COL5A2: variants seen among roughly 807,000 people sequenced by gnomAD.
COL5A2 encodes the protein collagen alpha-2(V) chain.
COL5A2 carries 23 observed loss-of-function variants against 208.2 expected under a neutral mutation model. That is an observed-to-expected ratio of 0.11 (90% CI 0.08 to 0.16). The LOEUF is 0.16. Among genes scored for constraint, COL5A2 ranks in the 10% least tolerant of loss-of-function variants. The pLI is 1.00. For synonymous variants in COL5A2, 625 were observed against 628.5 expected (o/e 0.99, Z 0.08); for missense variants, 1,590 against 1,956.4 (o/e 0.81, Z 3.53).
chr2:189,219,329 TC>T (rs1264263177), intron 1 of COL5A2, among the ~76,000 whole-genome samples: 2 of 152,206 alleles, frequency 1.3e-5, no homozygotes, highest in Non-Finnish European at 2.9e-5. Flanking sequence ...AACACTCCAG[TC>T]AAAAAACTCT....
chr2:189,234,865 C>A, the COL5A2 span, among the ~76,000 whole-genome samples: 3 of 151,508 alleles, frequency 2.0e-5, no homozygotes, highest in African/African-American at 7.3e-5. Context: ...GTGTAAACCA[C>A]ATTTATAGTT....
At chr2:189,432,214 C>A in the COL5A2 span, among the ~76,000 whole-genome samples, 2 of 151,840 alleles carry the variant, frequency 1.3e-5, no homozygotes, top group Non-Finnish European at 2.9e-5. Context: ...CCAGTACCAG[C>A]CACTGCAAAA....
At chr2:189,420,079 AGG>A in the COL5A2 span, among the ~76,000 whole-genome samples, 1 of 112,204 alleles carries the variant, frequency 8.9e-6, no homozygotes, top group African/African-American at 3.2e-5. Context: ...GGAGGGAGGG[AGG>A]GAGAAGGAAG....
the COL5A2 span, among the ~76,000 whole-genome samples, chr2:189,341,290 G>A: frequency 5.8e-4 from 88 of 152,158 alleles, 4 homozygotes; most frequent in South Asian, 0.018. Flanking sequence ...CTGTCATTTG[G>A]TGTCTAGTAG....
At chr2:189,358,276 A>G in the COL5A2 span, among the ~76,000 whole-genome samples, 1 of 152,306 alleles carries the variant, frequency 6.6e-6, no homozygotes, top group East Asian at 1.9e-4. Context: ...CTCATTTACA[A>G]TGCTCCTAGT....
At chr2:189,425,795 G>C in the COL5A2 span, among the ~76,000 whole-genome samples, 2 of 152,092 alleles carry the variant, frequency 1.3e-5, no homozygotes, top group African/African-American at 4.8e-5. Context: ...TTGTTTAAAA[G>C]TGTGTAGCAC....
chr2:189,057,340 G>T lies in COL5A2; in HGVS notation c.2317C>A (p.Pro773Thr). Reference protein sequence around the residue: ...MPGERGIAGTPGPKGDRGGIG... With the variant: ...MPGERGIAGTTGPKGDRGGIG... ...CTTACTCTGTCACCCTTGGGGCCAG[G>T]AGTTCCTGCAATTCCTCTTTCTCCC... Residue 773 changes from proline to threonine, a missense_variant, in exon 34 of 54, where the codon CCT becomes ACT. Coordinates refer to ENST00000374866, the MANE Select transcript of COL5A2 (RefSeq NM_000393.5). 1 of 1,605,704 alleles carries T rather than the reference G, an allele frequency of 6.2e-7. No homozygotes were observed. Among genetic ancestry groups the T allele is most frequent in the Non-Finnish European group, 8.5e-7 (1 of 1,174,030 alleles).
the COL5A2 span, among the ~76,000 whole-genome samples, chr2:189,316,453 A>T: frequency 6.6e-6 from 1 of 152,110 alleles, no homozygotes; most frequent in Admixed American, 6.6e-5. Context: ...GCAAACCACC[A>T]TGGCACATGT....
chr2:189,228,805 G>A (rs768508484), upstream of COL5A2, among the ~76,000 whole-genome samples: 14 of 151,716 alleles, frequency 9.2e-5, no homozygotes, highest in Non-Finnish European at 1.8e-4. Context: ...TTTGAAACCC[G>A]TTTTATGAAG....
chr2:189,043,806 C>G (rs566861002), intron 47 of COL5A2, among the ~76,000 whole-genome samples: 12 of 152,316 alleles, frequency 7.9e-5, no homozygotes, highest in African/African-American at 2.6e-4. Context: ...AAGCCACTTT[C>G]CTCTAAAGAA....
chr2:189,142,915 G>GA (rs1687961396), intron 1 of COL5A2, among the ~76,000 whole-genome samples: 1 of 151,772 alleles, frequency 6.6e-6, no homozygotes, highest in Admixed American at 6.6e-5. Flanking sequence ...ACTATTCTCT[G>GA]GGCTATTCAT....
the COL5A2 span, among the ~76,000 whole-genome samples, chr2:189,280,393 C>G: frequency 6.6e-6 from 1 of 152,142 alleles, no homozygotes; most frequent in Non-Finnish European, 1.5e-5. Flanking sequence ...CAAGCTCACT[C>G]TTGTAGGTAT....
chr2:189,125,133 G>A (rs191783829), intron 1 of COL5A2, among the ~76,000 whole-genome samples: 1 of 152,112 alleles, frequency 6.6e-6, no homozygotes, highest in African/African-American at 2.4e-5. Context: ...TTCATGACTG[G>A]ACCATATTAT....
At chr2:189,231,893 G>C in the COL5A2 span, among the ~76,000 whole-genome samples, 1 of 151,644 alleles carries the variant, frequency 6.6e-6, no homozygotes, top group South Asian at 2.1e-4. Context: ...GATCTTCCTG[G>C]GAAAGCTGAG....
chr2:189,409,248 T>C, the COL5A2 span, among the ~76,000 whole-genome samples: 365 of 147,982 alleles, frequency 2.5e-3, 3 homozygotes, highest in African/African-American at 7.5e-3. Context: ...TCTGGATCTG[T>C]TACCCAGAGA....
chr2:189,202,601 G>T (rs1689092301), intron 1 of COL5A2, among the ~76,000 whole-genome samples: 2 of 152,156 alleles, frequency 1.3e-5, no homozygotes, highest in South Asian at 4.1e-4. Flanking sequence ...GCAAAAGAAA[G>T]AATGATAATA....
In COL5A2 at chr2:189,065,042, G is replaced by A. The variant is rs863223490; in HGVS notation, c.1579C>T (p.Arg527Cys). ...PVGERGAPGNRGFPGSDGLPG... is the reference protein window; with the variant it reads ...PVGERGAPGNCGFPGSDGLPG... ...AAACCATCAGAGCCTGGAAAACCAC[G>A]ATTGCCAGGAGCACCCTACAAATGA... Residue 527 changes from arginine to cysteine, a missense_variant, in exon 24 of 54, where the codon CGT becomes TGT. By Grantham distance (180) the Arg-to-Cys change is radical. Transcript: ENST00000374866. The A allele has an allele frequency of 3.7e-6, 6 of 1,613,588 alleles. No individual in the cohort carries two copies. The highest frequency in any genetic ancestry group is 1.6e-4 in the Middle Eastern group (1 of 6,080).
chr2:189,207,278 C>G (rs1388578417), intron 1 of COL5A2, among the ~76,000 whole-genome samples: 1 of 152,084 alleles, frequency 6.6e-6, no homozygotes, highest in Non-Finnish European at 1.5e-5. Context: ...ATTGACTCCT[C>G]TAATCCTTTT....
chr2:189,377,507 T>C, the COL5A2 span, among the ~76,000 whole-genome samples: 2 of 152,326 alleles, frequency 1.3e-5, no homozygotes, highest in African/African-American at 4.8e-5. Context: ...GAATAGTACT[T>C]ACACAAAATA....
Sources: gnomAD v4.1 joint callset for allele counts (sites outside exome capture counted in the v4.1 genomes callset) on GRCh38, gnomAD v4.1.1 for gene constraint, MANE v1.5 for transcripts, NCBI Gene and HGNC (gene_info 2026-07-23, HGNC 2026-07-21) for gene names.